UBR3: variants seen among roughly 807,000 people sequenced by gnomAD.
UBR3 encodes the protein E3 ubiquitin-protein ligase UBR3.
A neutral mutation model predicts 243.2 loss-of-function variants in UBR3; 85 were observed. The ratio of observed to expected loss-of-function variants is 0.35; its 90% CI spans 0.29 to 0.42. The LOEUF (loss-of-function observed/expected upper bound fraction) is 0.42, where lower values mean the gene tolerates loss of function less well. Ranked by LOEUF, UBR3 falls within the 10% of genes least tolerant of loss-of-function variation. The pLI is 1.00. For missense variants in UBR3, 1,686 were observed against 2,300.8 expected, an observed-to-expected ratio of 0.73 and a Z score of 5.47; for synonymous variants, 748 against 799.8, an observed-to-expected ratio of 0.94 and a Z score of 1.09.
intron 31 of UBR3, among the ~76,000 whole-genome samples, chr2:170,039,687 TA>T (rs1194730573): frequency 6.6e-6 from 1 of 152,186 alleles, no homozygotes; most frequent in African/African-American, 2.4e-5. Context: ...ATCCCAAGTC[TA>T]AAGTGTAGCT....
At chr2:169,889,135 C>T (rs1357026449) in intron 5 of UBR3, among the ~76,000 whole-genome samples, 1 of 152,112 alleles carries the variant, frequency 6.6e-6, no homozygotes, top group Admixed American at 6.5e-5. Context: ...AGATAATCTC[C>T]CTTCTTAGCT....
At chr2:169,871,396 C>G (rs980215750) in intron 1 of UBR3, among the ~76,000 whole-genome samples, 1 of 146,590 alleles carries the variant, frequency 6.8e-6, no homozygotes, top group Non-Finnish European at 1.5e-5. Context: ...AGTGACAAAG[C>G]GAGACCCTGT....
intron 23 of UBR3, among the ~76,000 whole-genome samples, chr2:169,952,895 A>T (rs2087103733): frequency 6.6e-6 from 1 of 151,698 alleles, no homozygotes; most frequent in South Asian, 2.1e-4. Context: ...AATGTAATAA[A>T]TCTACTGACA....
At chr2:169,916,993 T>G (rs1195836234) in intron 11 of UBR3, among the ~76,000 whole-genome samples, 2 of 152,184 alleles carry the variant, frequency 1.3e-5, no homozygotes, top group Non-Finnish European at 2.9e-5. Flanking sequence ...TCCCTCTCTT[T>G]ACCTCCCAGT....
intron 23 of UBR3, among the ~76,000 whole-genome samples, chr2:169,951,372 CTTGA>C (rs2087020805): frequency 6.6e-6 from 1 of 152,256 alleles, no homozygotes; most frequent in Non-Finnish European, 1.5e-5. Flanking sequence ...ATGGATCTTA[CTTGA>C]TTGATCCGTT....
At chr2:169,946,416 A>T in intron 21 of UBR3, 24 bp downstream of exon 21, 1 of 1,371,284 alleles carries the variant, frequency 7.3e-7, no homozygotes, top group Non-Finnish European at 9.8e-7. Context: ...ATAATTTAAA[A>T]TTTTTAGATA....
At chr2:170,068,772 C>A (rs1380461214) in intron 35 of UBR3, among the ~76,000 whole-genome samples, 2 of 151,768 alleles carry the variant, frequency 1.3e-5, no homozygotes, top group Non-Finnish European at 2.9e-5. Flanking sequence ...GTACAAATGA[C>A]CAGTATCAGG....
intron 35 of UBR3, among the ~76,000 whole-genome samples, chr2:170,069,127 T>G (rs2091642636): frequency 6.6e-6 from 1 of 152,110 alleles, no homozygotes; most frequent in South Asian, 2.1e-4. Flanking sequence ...TGAACTCAAT[T>G]TATAAGGCCA....
chr2:169,869,216 GTTTTTTTT>G (rs11344991), intron 1 of UBR3, among the ~76,000 whole-genome samples: 1 of 56,198 alleles, frequency 1.8e-5, no homozygotes, highest in Non-Finnish European at 3.2e-5. Flanking sequence ...GATTGATAAG[GTTTTTTTT>G]TTTTTTTTTT....
intron 22 of UBR3, among the ~76,000 whole-genome samples, chr2:169,948,616 G>A (rs1437786260): frequency 2.0e-5 from 3 of 151,906 alleles, no homozygotes; most frequent in Non-Finnish European, 2.9e-5. Flanking sequence ...CTTTGACAAC[G>A]TGTTTTCACT....
intron 33 of UBR3, among the ~76,000 whole-genome samples, chr2:170,058,523 C>CT (rs35381644): frequency 0.045 from 6,094 of 135,894 alleles, 142 homozygotes; most frequent in Middle Eastern, 0.062. Flanking sequence ...TCTTTTCTTC[C>CT]TTTTTTTTTT....
rs183107439 is a variant in UBR3 at position 169,936,152 on chromosome 2, C to T, written c.2663+3144C>T. ...TCGGCTCACCGCAACCTCTGCCTCCCGGATTCAAGCGATACATCCGCCTCA... is the reference window on the plus strand; with the variant it reads ...TCGGCTCACCGCAACCTCTGCCTCCTGGATTCAAGCGATACATCCGCCTCA... On this transcript the variant is annotated intron_variant, in intron 19 of 38. Coordinates refer to ENST00000272793, the MANE Select transcript of UBR3 (RefSeq NM_172070.4). 8.1e-4 allele frequency among the ~76,000 whole-genome samples: 124 copies of T among 152,158 alleles called. 1 individual carries two copies. The highest frequency in any genetic ancestry group is 2.4e-3 in the Admixed American group (37 of 15,284).
At chr2:170,027,143 T>C (rs548123129) in intron 30 of UBR3, among the ~76,000 whole-genome samples, 3 of 151,912 alleles carry the variant, frequency 2.0e-5, no homozygotes, top group African/African-American at 7.2e-5. Flanking sequence ...TATTCTTAGC[T>C]TTTAGAATAA....
At chr2:169,966,942 G>A (rs73975711) in intron 24 of UBR3, among the ~76,000 whole-genome samples, 8,186 of 151,688 alleles carry the variant, frequency 0.054, 407 homozygotes, top group African/African-American at 0.13. Context: ...TCTATTTTTG[G>A]TCTGGGTCCA....
chr2:169,984,245 A>T (rs944884124), intron 24 of UBR3, among the ~76,000 whole-genome samples: 1 of 152,202 alleles, frequency 6.6e-6, no homozygotes, highest in African/African-American at 2.4e-5. Flanking sequence ...TTTTTAAAAG[A>T]AACCTTTTTA....
At chr2:170,019,928 A>G (rs1335398012) in intron 30 of UBR3, among the ~76,000 whole-genome samples, 1 of 151,956 alleles carries the variant, frequency 6.6e-6, no homozygotes, top group Non-Finnish European at 1.5e-5. Context: ...GACACACACC[A>G]TCAGGCCCGA....
chr2:169,831,530 T>G (rs1205219024), intron 1 of UBR3, among the ~76,000 whole-genome samples: 1 of 152,172 alleles, frequency 6.6e-6, no homozygotes, highest in Non-Finnish European at 1.5e-5. Flanking sequence ...AGTTGCCATG[T>G]CCAGTTTCAT....
intron 23 of UBR3, among the ~76,000 whole-genome samples, chr2:169,952,650 G>C (rs563545741): frequency 6.6e-6 from 1 of 152,114 alleles, no homozygotes; most frequent in South Asian, 2.1e-4. Context: ...AGCTGAGATC[G>C]CGCTGCTGCA....
chr2:169,881,462 A>C (rs923038054), intron 5 of UBR3, among the ~76,000 whole-genome samples: 14 of 151,918 alleles, frequency 9.2e-5, no homozygotes, highest in African/African-American at 3.4e-4. Context: ...TATAGGTATG[A>C]GCCACCGTGC....
Sources: allele counts gnomAD v4.1 joint callset (sites outside exome capture counted in the v4.1 genomes callset), GRCh38; gene constraint gnomAD v4.1.1; transcripts MANE v1.5; gene names NCBI Gene and HGNC (gene_info 2026-07-23, HGNC 2026-07-21).